Variants in ATP8A2 observed in about 807,000 individuals in gnomAD.
ATP8A2 encodes ATPase phospholipid transporting 8A2.
Under a neutral mutation model 165.6 loss-of-function variants are expected in ATP8A2, and 100 were observed. The observed-to-expected ratio is 0.60, with a 90% CI of 0.51 to 0.71. The LOEUF (loss-of-function observed/expected upper bound fraction) is 0.71, where lower values mean the gene tolerates loss of function less well. ATP8A2 is among the 30% of genes least tolerant of loss of function. ATP8A2 has a pLI of 0.00. For synonymous variants in ATP8A2, 543 were observed against 548.8 expected (o/e 0.99, Z 0.15); for missense variants, 1,227 against 1,479.5 (o/e 0.83, Z 2.80).
chr13:25,996,611 G>A (rs1430311337), intron 35 of ATP8A2, among the ~76,000 whole-genome samples: 10 of 151,876 alleles, frequency 6.6e-5, no homozygotes, highest in South Asian at 4.2e-4. Context: ...TGCAACCTCC[G>A]CACTCTGGCG....
At chr13:25,929,716 G>A (rs965988127) in intron 33 of ATP8A2, among the ~76,000 whole-genome samples, 2 of 152,034 alleles carry the variant, frequency 1.3e-5, no homozygotes, top group African/African-American at 2.4e-5. Flanking sequence ...AATTAGATGT[G>A]GTGGCGCTGC....
At position 25,603,020 on chromosome 13, in the gene ATP8A2, C is replaced by T. The variant is rs759354395; in HGVS notation, c.2211+13321C>T. 6.8e-4 allele frequency among the ~76,000 whole-genome samples: 103 copies of T among 152,094 alleles called. 1 individual carries two copies. Among genetic ancestry groups the T allele is most frequent in the Non-Finnish European group, 2.6e-4 (18 of 68,000 alleles). ...ATGGGAGGTGAAGGTTGCCGTGAGC[C>T]GAGATCGTGCCACTGCACTCCAGCC... On this transcript the variant is annotated intron_variant, in intron 24 of 36. Transcript: ENST00000381655.
intron 27 of ATP8A2, among the ~76,000 whole-genome samples, chr13:25,794,359 A>G (rs940388941): frequency 1.3e-5 from 2 of 152,258 alleles, no homozygotes; most frequent in African/African-American, 4.8e-5. Context: ...AATACACAGA[A>G]TACAGTGCTT....
chr13:25,548,404 C>T (rs1160032897), intron 10 of ATP8A2, among the ~76,000 whole-genome samples: 4 of 152,068 alleles, frequency 2.6e-5, no homozygotes, highest in Non-Finnish European at 5.9e-5. Context: ...TTTTCTAATC[C>T]TCCTAATTGG....
At chr13:25,576,012 A>C (rs527724249) in intron 19 of ATP8A2, among the ~76,000 whole-genome samples, 1 of 152,242 alleles carries the variant, frequency 6.6e-6, no homozygotes, top group South Asian at 2.1e-4. Flanking sequence ...TGGTGAGTCT[A>C]TTTCTTTTTC....
chr13:25,469,548 A>T (rs963989163), intron 2 of ATP8A2, among the ~76,000 whole-genome samples: 1 of 152,182 alleles, frequency 6.6e-6, no homozygotes, highest in Non-Finnish European at 1.5e-5. Flanking sequence ...AGTCACAAGG[A>T]ATCACATTCA....
At chr13:25,459,484 C>T (rs1351589560) in intron 1 of ATP8A2, among the ~76,000 whole-genome samples, 1 of 152,140 alleles carries the variant, frequency 6.6e-6, no homozygotes, top group East Asian at 1.9e-4. Flanking sequence ...GAGCATGGGC[C>T]CTGCCCTCCT....
chr13:25,780,835 A>G (rs1246131921), intron 27 of ATP8A2, among the ~76,000 whole-genome samples: 2 of 152,090 alleles, frequency 1.3e-5, no homozygotes, highest in Non-Finnish European at 2.9e-5. Flanking sequence ...CTTAGGCAAT[A>G]TTGCCCGCTA....
chr13:25,519,961 T>A (rs1383775939), intron 2 of ATP8A2, among the ~76,000 whole-genome samples: 1 of 152,240 alleles, frequency 6.6e-6, no homozygotes, highest in Non-Finnish European at 1.5e-5. Flanking sequence ...TAAAGGTACA[T>A]GTAATAATTT....
chr13:25,865,639 C>T (rs1952487519), intron 33 of ATP8A2, among the ~76,000 whole-genome samples: 1 of 152,168 alleles, frequency 6.6e-6, no homozygotes, highest in Non-Finnish European at 1.5e-5. Flanking sequence ...TTATTCTACA[C>T]TATCAAAGAG....
intron 26 of ATP8A2, 131 bp downstream of exon 26, chr13:25,769,360 C>A (rs1429129202): frequency 6.0e-6 from 5 of 831,222 alleles, no homozygotes; most frequent in South Asian, 3.7e-5. Context: ...CTAGATGAAA[C>A]CCCGGGGATA....
chr13:25,865,761 C>A (rs1042923368), intron 33 of ATP8A2, among the ~76,000 whole-genome samples: 2 of 152,212 alleles, frequency 1.3e-5, no homozygotes, highest in African/African-American at 2.4e-5. Context: ...CTGCATCCTT[C>A]CCCTCCTGAA....
chr13:25,503,385 C>A (rs909756350), intron 2 of ATP8A2, among the ~76,000 whole-genome samples: 1 of 152,166 alleles, frequency 6.6e-6, no homozygotes, highest in African/African-American at 2.4e-5. Context: ...GGTCGGCATG[C>A]TGACAAGTAA....
intron 35 of ATP8A2, among the ~76,000 whole-genome samples, chr13:25,981,277 A>G (rs969359752): frequency 2.0e-5 from 3 of 152,236 alleles, no homozygotes; most frequent in African/African-American, 4.8e-5. Context: ...GTTTGTGTAC[A>G]CACTGTCTCT....
intron 27 of ATP8A2, among the ~76,000 whole-genome samples, chr13:25,799,956 C>G (rs1950587442): frequency 6.6e-6 from 1 of 152,192 alleles, no homozygotes; most frequent in African/African-American, 2.4e-5. Context: ...GTGAATGAAA[C>G]CTTTGCTGGT....
chr13:25,574,970 T>A, intron 19 of ATP8A2, 113 bp downstream of exon 19: 2 of 544,542 alleles, frequency 3.7e-6, no homozygotes, highest in Non-Finnish European at 6.3e-6. Flanking sequence ...AAGTATTAAA[T>A]ATAATAAATG....
intron 2 of ATP8A2, among the ~76,000 whole-genome samples, chr13:25,499,962 G>A (rs1238398127): frequency 1.3e-5 from 2 of 152,082 alleles, no homozygotes; most frequent in African/African-American, 4.8e-5. Flanking sequence ...AGACAGCAAG[G>A]GCAGAGGACA....
intron 25 of ATP8A2, chr13:25,705,125 T>A (rs550373362): frequency 4.7e-6 from 2 of 422,088 alleles, no homozygotes; most frequent in East Asian, 1.5e-4. Context: ...TTATCTGTTC[T>A]TTCTTCCCCC....
chr13:25,682,790 G>C (rs547073245), intron 24 of ATP8A2, among the ~76,000 whole-genome samples: 1 of 152,266 alleles, frequency 6.6e-6, no homozygotes, highest in East Asian at 1.9e-4. Flanking sequence ...CCTGCCCCAG[G>C]TGGGTAGATT....
Sources: gnomAD v4.1 joint callset for allele counts (sites outside exome capture counted in the v4.1 genomes callset) on GRCh38, gnomAD v4.1.1 for gene constraint, MANE v1.5 for transcripts, NCBI Gene and HGNC (gene_info 2026-07-23, HGNC 2026-07-21) for gene names.